FRYL: variants seen among roughly 807,000 people sequenced by gnomAD.
The protein encoded by FRYL is FRY like transcription coactivator.
A neutral mutation model predicts 351.2 loss-of-function variants in FRYL; 150 were observed. The ratio of observed to expected loss-of-function variants is 0.43; its 90% CI spans 0.37 to 0.49. FRYL has a LOEUF of 0.49. FRYL is among the 20% of genes least tolerant of loss of function. The pLI is 0.00. For synonymous variants in FRYL, 1,153 were observed against 1,257.1 expected (o/e 0.92, Z 1.75); for missense variants, 3,036 against 3,619.3 (o/e 0.84, Z 4.13).
At position 48,645,152 on chromosome 4, in the gene FRYL, A is replaced by C. The variant is rs533680700; in HGVS notation, c.-80-10662T>G. On this transcript the variant is annotated intron_variant, in intron 3 of 63. Transcript: ENST00000358350. ...TATATATATATATATATATATATAT[A>C]TATCAGACTGGCAAATACTAAAAAG... 8.4e-4 allele frequency among the ~76,000 whole-genome samples: 97 copies of C among 114,822 alleles called. 1 individual carries two copies. The highest frequency in any genetic ancestry group is 2.6e-3 in the African/African-American group (82 of 31,804). 75.3% of individuals were successfully genotyped at this position (114,822 alleles called of 152,430 possible).
chr4:48,726,820 A>C (rs1770138967), intron 1 of FRYL, among the ~76,000 whole-genome samples: 1 of 152,250 alleles, frequency 6.6e-6, no homozygotes, highest in Non-Finnish European at 1.5e-5. Flanking sequence ...TGAAAGGTAC[A>C]AACTTGATAT....
At chr4:48,764,358 T>C (rs1273955013) in intron 1 of FRYL, among the ~76,000 whole-genome samples, 3 of 44,126 alleles carry the variant, frequency 6.8e-5, no homozygotes, top group Non-Finnish European at 1.4e-4. Flanking sequence ...AGTGAGACCT[T>C]GTCTCTACAA....
rs376812118 is a variant in FRYL, at chr4:48,776,354, A to C, written c.-384+3724T>G. Among the ~76,000 whole-genome samples the C allele has an allele frequency of 1.4e-3, 215 of 152,324 alleles. 1 individual carries two copies. The highest frequency in any genetic ancestry group is 4.6e-3 in the African/African-American group (191 of 41,570). On this transcript the variant is annotated intron_variant, in intron 1 of 63. Transcript: ENST00000358350. ...TTTACAACAAGCATGTGAAACTTTG[A>C]TAAGCAAAAACTTTTTCTCCTTTAA...
At chr4:48,647,585 A>T (rs1040979061) in intron 3 of FRYL, among the ~76,000 whole-genome samples, 7 of 152,166 alleles carry the variant, frequency 4.6e-5, no homozygotes, top group African/African-American at 1.4e-4. Flanking sequence ...ACTTCTCACA[A>T]CACTAACTGT....
intron 2 of FRYL, among the ~76,000 whole-genome samples, chr4:48,702,404 C>T (rs1336278877): frequency 8.2e-6 from 1 of 122,158 alleles, no homozygotes; most frequent in Non-Finnish European, 1.6e-5. Flanking sequence ...TGCAGTGAGT[C>T]GAGAATGTGC....
At chr4:48,591,085 C>T (rs1479572375) in intron 16 of FRYL, among the ~76,000 whole-genome samples, 2 of 152,042 alleles carry the variant, frequency 1.3e-5, no homozygotes, top group African/African-American at 2.4e-5. Context: ...TATAGCAATC[C>T]TCTTCCTCAA....
At chr4:48,632,088 A>T (rs1753148834) in intron 4 of FRYL, among the ~76,000 whole-genome samples, 3 of 27,642 alleles carry the variant, frequency 1.1e-4, no homozygotes, top group Non-Finnish European at 1.6e-4. Context: ...AAAAAAAAAA[A>T]AAAATATATA....
At chr4:48,601,958 T>C in intron 13 of FRYL, 62 bp downstream of exon 13, 1 of 943,654 alleles carries the variant, frequency 1.1e-6, no homozygotes, top group Non-Finnish European at 1.7e-6. Flanking sequence ...CTGTTCAATT[T>C]ATATGCATAA....
chr4:48,603,442 A>C, intron 11 of FRYL, 54 bp from the exon 12 acceptor site: 1 of 1,088,624 alleles, frequency 9.2e-7, no homozygotes, highest in Non-Finnish European at 1.4e-6. Flanking sequence ...AGATTAAACT[A>C]TACAAAGAAT....
chr4:48,606,235 T>C (rs1291057831), intron 10 of FRYL, among the ~76,000 whole-genome samples: 3 of 151,440 alleles, frequency 2.0e-5, no homozygotes, highest in Non-Finnish European at 1.5e-5. Flanking sequence ...ATCATGCCAC[T>C]GCACTCCAGC....
In FRYL at chr4:48,510,835, T is replaced by C. The variant is rs764927339; in HGVS notation, c.8295A>G (p.Thr2765=). Residue 2765 remains threonine, a splice_region_variant and synonymous_variant, in exon 58 of 64, where the codon ACA becomes ACG. Coordinates refer to ENST00000358350, the MANE Select transcript of FRYL (RefSeq NM_015030.2). Reference sequence around the variant, plus strand: ...AATAAACCTGCATGTAAAAACTTACTGTTTCAGCATCCACAAAGACTGTTG... The same window carrying C: ...AATAAACCTGCATGTAAAAACTTACCGTTTCAGCATCCACAAAGACTGTTG... ...ECPTVFVDAE[T]LMSCGLLETL... is the part of the protein sequence containing the mutation. 1.1e-5 allele frequency: 18 copies of C among 1,609,092 alleles called. No homozygotes were observed. Among genetic ancestry groups the C allele is most frequent in the Non-Finnish European group, 1.4e-5 (17 of 1,177,774 alleles).
intron 26 of FRYL, among the ~76,000 whole-genome samples, chr4:48,572,229 C>T (rs1306019622): frequency 6.6e-6 from 1 of 152,176 alleles, no homozygotes; most frequent in Non-Finnish European, 1.5e-5. Flanking sequence ...GACTTCTGGA[C>T]CCTATTCCAG....
intron 3 of FRYL, among the ~76,000 whole-genome samples, chr4:48,655,147 T>G (rs1029542109): frequency 8.5e-5 from 13 of 152,148 alleles, no homozygotes; most frequent in African/African-American, 2.9e-4. Flanking sequence ...CATTAAGAGA[T>G]ATTCAGTGGT....
intron 7 of FRYL, among the ~76,000 whole-genome samples, chr4:48,610,716 T>C (rs1000503275): frequency 4.8e-5 from 7 of 145,212 alleles, no homozygotes; most frequent in African/African-American, 1.5e-4. Flanking sequence ...ATATATATTA[T>C]ATACATATAT....
intron 3 of FRYL, among the ~76,000 whole-genome samples, chr4:48,644,003 G>A (rs1194572705): frequency 6.6e-6 from 1 of 152,116 alleles, no homozygotes. Flanking sequence ...GAGTGCAATA[G>A]CACGATCTCG....
chr4:48,731,010 A>T (rs1423196658), intron 1 of FRYL, among the ~76,000 whole-genome samples: 1 of 152,166 alleles, frequency 6.6e-6, no homozygotes, highest in East Asian at 1.9e-4. Flanking sequence ...CTCAAAATAA[A>T]GGGATGGAGG....
chr4:48,656,899 A>G (rs1407718034), intron 3 of FRYL, among the ~76,000 whole-genome samples: 2 of 152,078 alleles, frequency 1.3e-5, no homozygotes, highest in Non-Finnish European at 2.9e-5. Flanking sequence ...GACTAACTCA[A>G]TAGGCCCATG....
intron 1 of FRYL, among the ~76,000 whole-genome samples, chr4:48,762,076 C>T (rs1041530999): frequency 1.3e-5 from 2 of 152,104 alleles, no homozygotes; most frequent in African/African-American, 4.8e-5. Context: ...ACAGAGAAGT[C>T]CAAAGTCTGC....
At chr4:48,519,507 TAA>T (rs1560526999) in intron 55 of FRYL, among the ~76,000 whole-genome samples, 14 of 147,928 alleles carry the variant, frequency 9.5e-5, no homozygotes, top group Non-Finnish European at 7.5e-5. Flanking sequence ...TTTTTTTTTT[TAA>T]TTTTTTATTT....
Sources: gnomAD v4.1 joint callset for allele counts (sites outside exome capture counted in the v4.1 genomes callset) on GRCh38, gnomAD v4.1.1 for gene constraint, MANE v1.5 for transcripts, NCBI Gene and HGNC (gene_info 2026-07-23, HGNC 2026-07-21) for gene names.